Variants in SPAG16 observed in about 807,000 individuals in gnomAD.
SPAG16 encodes sperm associated antigen 16.
Under a neutral mutation model 80.4 loss-of-function variants are expected in SPAG16, and 86 were observed. The ratio of observed to expected loss-of-function variants is 1.07; its 90% confidence interval spans 0.90 to 1.28. The LOEUF (loss-of-function observed/expected upper bound fraction) is 1.28, where lower values mean the gene tolerates loss of function less well. SPAG16 is among the 50% of genes most tolerant of loss of function. The pLI is 0.00. For synonymous variants in SPAG16, 294 were observed against 265.9 expected, an observed-to-expected ratio of 1.11 and a Z score of -1.03; for missense variants, 870 against 765.3, an observed-to-expected ratio of 1.14 and a Z score of -1.61.
intron 11 of SPAG16, among the ~76,000 whole-genome samples, chr2:213,915,813 C>T (rs1026511661): frequency 6.6e-6 from 1 of 152,188 alleles, no homozygotes; most frequent in Non-Finnish European, 1.5e-5. Context: ...GATCCCCATT[C>T]TAACTGGCAT....
intron 10 of SPAG16, among the ~76,000 whole-genome samples, chr2:213,647,921 G>C (rs1195841041): frequency 2.0e-5 from 3 of 152,122 alleles, no homozygotes; most frequent in Admixed American, 6.6e-5. Flanking sequence ...CAGCTTCTTG[G>C]CTCATAGGAG....
rs545233932 is a variant in SPAG16, at chr2:213,850,818, G to A, written c.1071-11667G>A. ...TATTAGGCTGCTTATTTGCTTATATGTTGACTTTCCATAAATGATTTTTGA... is the reference window on the plus strand; with the variant it reads ...TATTAGGCTGCTTATTTGCTTATATATTGACTTTCCATAAATGATTTTTGA... On this transcript the variant is annotated intron_variant, in intron 10 of 15. Transcript: ENST00000331683. Among the ~76,000 whole-genome samples, 4 of 152,166 alleles carry A rather than the reference G, an allele frequency of 2.6e-5. No individual in the cohort carries two copies. In the South Asian group the frequency reaches 8.3e-4, roughly 32 times the overall value.
intron 15 of SPAG16, among the ~76,000 whole-genome samples, chr2:214,322,526 T>C (rs1696173537): frequency 6.9e-6 from 1 of 145,162 alleles, no homozygotes; most frequent in African/African-American, 2.5e-5. Context: ...AAAAAAGGCA[T>C]CAGAAAAATT....
chr2:213,856,368 A>G (rs2075168357), intron 10 of SPAG16, among the ~76,000 whole-genome samples: 1 of 152,080 alleles, frequency 6.6e-6, no homozygotes, highest in Non-Finnish European at 1.5e-5. Flanking sequence ...TAGCTTTTCC[A>G]GGTGCACAGT....
intron 12 of SPAG16, among the ~76,000 whole-genome samples, chr2:213,978,713 G>A (rs1004447550): frequency 6.6e-6 from 1 of 152,096 alleles, no homozygotes; most frequent in Admixed American, 6.6e-5. Flanking sequence ...CTCTTGTGAT[G>A]CTATAGGCAC....
chr2:214,259,464 C>G (rs563423410), intron 15 of SPAG16, among the ~76,000 whole-genome samples: 1 of 137,824 alleles, frequency 7.3e-6, no homozygotes, highest in Non-Finnish European at 1.5e-5. Context: ...CGTACACACA[C>G]ACGTATAGCT....
chr2:214,362,856 A>T (rs955700766), intron 15 of SPAG16, among the ~76,000 whole-genome samples: 9 of 151,878 alleles, frequency 5.9e-5, no homozygotes, highest in African/African-American at 1.4e-4. Flanking sequence ...AACAAGAAAT[A>T]AAAAAATGCC....
At position 213,471,866 on chromosome 2, in the gene SPAG16, T is replaced by G. The variant is rs13017202; in HGVS notation, c.943-18097T>G. ...ATTGTGCCTCTTTCTTGGTTGTAGG[T>G]GGGGTCAAATTCAGCAACTTATCCT... On this transcript the variant is annotated intron_variant, in intron 9 of 15. Transcript: ENST00000331683. 2.0e-5 allele frequency among the ~76,000 whole-genome samples: 3 copies of G among 152,170 alleles called. 1 individual carries two copies.
At chr2:214,341,523 G>T (rs1576826632) in intron 15 of SPAG16, among the ~76,000 whole-genome samples, 1 of 152,084 alleles carries the variant, frequency 6.6e-6, no homozygotes, top group East Asian at 1.9e-4. Flanking sequence ...ATTCTAAAAA[G>T]CTTCTGAGAT....
rs141670270 is a variant in SPAG16 at position 214,097,652 on chromosome 2, A to G, written c.1528-10544A>G. ...ACAGCTGGTGAAGGGTGCATTTACC[A>G]AACTTGCAATGTGTGTGTGTGTGCG... On this transcript the variant is annotated intron_variant, in intron 13 of 15. Coordinates refer to ENST00000331683, the MANE Select transcript of SPAG16 (RefSeq NM_024532.5). Among the ~76,000 whole-genome samples, 3 of 152,084 alleles carry G rather than the reference A, an allele frequency of 2.0e-5. No homozygotes were observed. The East Asian group carries it at 5.8e-4, about 30-fold the overall frequency.
intron 10 of SPAG16, among the ~76,000 whole-genome samples, chr2:213,687,357 T>C (rs2064730736): frequency 6.6e-6 from 1 of 152,222 alleles, no homozygotes; most frequent in African/African-American, 2.4e-5. Context: ...TTAATTCTAC[T>C]TGTGATCTTC....
intron 10 of SPAG16, among the ~76,000 whole-genome samples, chr2:213,720,007 A>T (rs1041973868): frequency 2.0e-5 from 3 of 152,212 alleles, no homozygotes; most frequent in African/African-American, 4.8e-5. Flanking sequence ...CTATGCAGCC[A>T]TAAAAAAGGA....
At chr2:213,594,895 T>G (rs1163539620) in intron 10 of SPAG16, among the ~76,000 whole-genome samples, 1 of 152,196 alleles carries the variant, frequency 6.6e-6, no homozygotes, top group African/African-American at 2.4e-5. Context: ...GAATTAGGAT[T>G]ATAATGATTT....
intron 6 of SPAG16, among the ~76,000 whole-genome samples, chr2:213,348,293 C>G (rs1038815879): frequency 6.6e-6 from 1 of 152,046 alleles, no homozygotes; most frequent in African/African-American, 2.4e-5. Flanking sequence ...GATGGGTTTC[C>G]TGAATGCAAC....
intron 12 of SPAG16, 54 bp downstream of exon 12, chr2:213,930,199 T>C: frequency 2.2e-6 from 3 of 1,347,070 alleles, no homozygotes; most frequent in Non-Finnish European, 2.0e-6. Flanking sequence ...TATACGTGGG[T>C]AAAGTGGTAA....
intron 15 of SPAG16, among the ~76,000 whole-genome samples, chr2:214,274,273 G>A (rs1692278851): frequency 6.6e-6 from 1 of 152,088 alleles, no homozygotes; most frequent in Non-Finnish European, 1.5e-5. Flanking sequence ...TTTCCTAATT[G>A]AATACCCTTT....
intron 9 of SPAG16, among the ~76,000 whole-genome samples, chr2:213,485,356 A>G (rs930019504): frequency 1.3e-5 from 2 of 152,080 alleles, no homozygotes; most frequent in African/African-American, 4.8e-5. Flanking sequence ...CTAATTTTAT[A>G]ATTTGTCAGA....
chr2:213,547,871 C>G (rs563903261), intron 10 of SPAG16, among the ~76,000 whole-genome samples: 2 of 152,276 alleles, frequency 1.3e-5, no homozygotes, highest in East Asian at 3.9e-4. Flanking sequence ...TTGTTTTTAT[C>G]ACTTACGTCT....
At chr2:214,012,250 T>C (rs529427301) in intron 12 of SPAG16, among the ~76,000 whole-genome samples, 23 of 126,928 alleles carry the variant, frequency 1.8e-4, no homozygotes, top group Non-Finnish European at 2.8e-4. Context: ...ATATATATTT[T>C]TATACTTACA....
Sources: allele counts gnomAD v4.1 joint callset (sites outside exome capture counted in the v4.1 genomes callset), GRCh38; gene constraint gnomAD v4.1.1; transcripts MANE v1.5; gene names NCBI Gene and HGNC (gene_info 2026-07-23, HGNC 2026-07-21).